The following TRAPPC9 variants were observed in gnomAD, a reference collection of about 807,000 sequenced individuals.
TRAPPC9 encodes IKK2 binding protein.
In TRAPPC9, 83 loss-of-function variants were observed where a neutral mutation model predicts 124.0. The ratio of observed to expected loss-of-function variants is 0.67; its 90% CI spans 0.56 to 0.80. The LOEUF (loss-of-function observed/expected upper bound fraction) is 0.80. TRAPPC9 is among the 30% of genes least tolerant of loss of function. TRAPPC9 has a pLI of 0.00. For missense variants in TRAPPC9, 1,302 were observed against 1,508.3 expected (o/e 0.86, Z 2.27); for synonymous variants, 638 against 617.5 (o/e 1.03, Z -0.49).
At position 139,864,289 on chromosome 8, in the gene TRAPPC9, G is replaced by C. The variant is rs571492454; in HGVS notation, c.3055+21590C>G. ...AACAACATATGTTTTCTCTTTCCACGTCCGTCCTTCAATGTGAGGGTTTGG... is the reference window on the plus strand; with the variant it reads ...AACAACATATGTTTTCTCTTTCCACCTCCGTCCTTCAATGTGAGGGTTTGG... On this transcript the variant is annotated intron_variant, in intron 21 of 22. Coordinates refer to ENST00000438773, the MANE Select transcript of TRAPPC9 (RefSeq NM_001160372.4). Among the ~76,000 whole-genome samples, 6 of 152,156 alleles carry C rather than the reference G, an allele frequency of 3.9e-5. No homozygotes were observed. In the South Asian group the frequency reaches 1.2e-3, roughly 32 times the overall value.
chr8:140,455,965 C>T (rs1462523576), intron 1 of TRAPPC9, among the ~76,000 whole-genome samples: 1 of 152,088 alleles, frequency 6.6e-6, no homozygotes, highest in Non-Finnish European at 1.5e-5. Flanking sequence ...CCTGAATATG[C>T]AAATCTATAT....
chr8:140,080,267 C>T (rs556355078), intron 17 of TRAPPC9, among the ~76,000 whole-genome samples: 15 of 151,148 alleles, frequency 9.9e-5, no homozygotes, highest in Non-Finnish European at 1.8e-4. Flanking sequence ...CATGAGTAAA[C>T]TTTCTTTCAC....
intron 18 of TRAPPC9, among the ~76,000 whole-genome samples, chr8:140,004,301 A>G (rs1163398788): frequency 1.3e-5 from 2 of 152,298 alleles, no homozygotes; most frequent in South Asian, 2.1e-4. Flanking sequence ...TGCTCATTAA[A>G]GTTAGAACTC....
At chr8:140,024,278 C>T (rs951900314) in intron 17 of TRAPPC9, among the ~76,000 whole-genome samples, 199 bp from the exon 18 acceptor site, 9 of 152,056 alleles carry the variant, frequency 5.9e-5, no homozygotes, top group African/African-American at 2.2e-4. Flanking sequence ...CCCCAGCGGG[C>T]ACCATCTTAC....
At position 139,910,143 on chromosome 8, in the gene TRAPPC9, A is replaced by G. The variant is rs772092562; in HGVS notation, c.2964+4T>C. 6 of 1,613,584 alleles carry G rather than the reference A, an allele frequency of 3.7e-6. No homozygotes were observed. The highest frequency in any genetic ancestry group is 5.1e-6 in the Non-Finnish European group (6 of 1,179,946). Reference sequence around the variant, plus strand: ...AGGCCCAGGTGGCCCCTGGAAAAGGATATGATTCTCCAGCAGATGCCCAGC... The same window carrying G: ...AGGCCCAGGTGGCCCCTGGAAAAGGGTATGATTCTCCAGCAGATGCCCAGC... On this transcript the variant is annotated splice_donor_region_variant and intron_variant, in intron 20 of 22. Transcript: ENST00000438773.
At chr8:140,288,674 T>G (rs914976570) in intron 12 of TRAPPC9, among the ~76,000 whole-genome samples, 11 of 152,114 alleles carry the variant, frequency 7.2e-5, no homozygotes, top group African/African-American at 2.7e-4. Context: ...ACTTGAACTT[T>G]CGAGTACATT....
Position 139,776,374 on chromosome 8 carries a change from T to C in TRAPPC9, c.3056-44172A>G, listed in dbSNP as rs1227540729. ...TCACAACATAGTATTGATCGGTTTG[T>C]CCTCCGTGACCCAAAGAGAGGTCAC... On this transcript the variant is annotated intron_variant, in intron 21 of 22. Transcript: ENST00000438773. This position sits in a 1 kb window ranked among gnomAD's most constrained non-coding sequence, Gnocchi z 4.1. Among the ~76,000 whole-genome samples, 1 of 152,206 alleles carries C rather than the reference T, an allele frequency of 6.6e-6. No individual in the cohort carries two copies. Among genetic ancestry groups the C allele is most frequent in the Non-Finnish European group, 1.5e-5 (1 of 68,036 alleles).
intron 17 of TRAPPC9, among the ~76,000 whole-genome samples, chr8:140,122,552 G>A (rs2061008222): frequency 6.6e-6 from 1 of 152,218 alleles, no homozygotes. Flanking sequence ...AGAGACAAAA[G>A]CTTTCTAAGC....
intron 7 of TRAPPC9, among the ~76,000 whole-genome samples, chr8:140,373,934 T>C (rs1318405103): frequency 6.6e-6 from 1 of 152,246 alleles, no homozygotes. Context: ...CTTAGTTATA[T>C]GTGTTTTGCA....
intron 22 of TRAPPC9, 151 bp from the exon 23 acceptor site, chr8:139,731,379 C>T: frequency 1.2e-6 from 1 of 837,560 alleles, no homozygotes; most frequent in Non-Finnish European, 1.9e-6. Context: ...CAGCAGGTCA[C>T]TGCGCCTCTC....
chr8:140,292,414 C>G (rs921710131), intron 11 of TRAPPC9, among the ~76,000 whole-genome samples: 1 of 152,202 alleles, frequency 6.6e-6, no homozygotes, highest in Admixed American at 6.5e-5. Context: ...CGAGCAGACA[C>G]GGGTGGCTAA....
Position 140,450,954 on chromosome 8 carries a change from G to C in TRAPPC9, c.420C>G (p.Asp140Glu), listed in dbSNP as rs759810548. 1.9e-6 allele frequency: 3 copies of C among 1,614,202 alleles called. No individual in the cohort carries two copies. The East Asian group carries it at 6.7e-5, about 36-fold the overall frequency. The change falls in exon 2 of 23, where the codon GAC (aspartate) becomes GAG (glutamate). Residue 140 changes from aspartate to glutamate, a missense_variant. Around this residue, in one of 3 missense-constraint regions of TRAPPC9, gnomAD observed 657 missense variants for 811.2 expected, o/e 0.81. Transcript: ENST00000438773. ...CGATTCTCTTCTCCACCGTCTGGCA[G>C]TCCTCGTAGTTGGGGTAGAAAGCCA... ...TDVAFYPNYE[D>E]CQTVEKRIED...
intron 17 of TRAPPC9, among the ~76,000 whole-genome samples, chr8:140,111,878 G>A (rs1328312015): frequency 6.6e-6 from 1 of 152,228 alleles, no homozygotes; most frequent in Non-Finnish European, 1.5e-5. Context: ...ATTCTGAAAA[G>A]AGGCAAGCTC....
At chr8:140,259,475 T>G (rs1347399826) in intron 15 of TRAPPC9, among the ~76,000 whole-genome samples, 1 of 152,218 alleles carries the variant, frequency 6.6e-6, no homozygotes, top group Non-Finnish European at 1.5e-5. Context: ...CAAAGGGCCC[T>G]GGGTTCAGAT....
intron 18 of TRAPPC9, among the ~76,000 whole-genome samples, chr8:139,997,441 A>C (rs1838081729): frequency 6.6e-6 from 1 of 151,258 alleles, no homozygotes; most frequent in South Asian, 2.1e-4. Flanking sequence ...AGAACAATGC[A>C]TCCCACACAG....
chr8:140,413,802 T>C (rs963038228), intron 5 of TRAPPC9, among the ~76,000 whole-genome samples: 2 of 151,774 alleles, frequency 1.3e-5, no homozygotes, highest in African/African-American at 4.8e-5. Context: ...AGAATGATGA[T>C]TTCCAATTTC....
At position 139,990,237 on chromosome 8, in the gene TRAPPC9, C is replaced by T. The variant is rs547087939; in HGVS notation, c.2700-1401G>A. ...CATGACAACAGCCTCGGGGGTAGTC[C>T]GTGGAGCCCCCTGCACTGGAGACGG... On this transcript the variant is annotated intron_variant, in intron 18 of 22. Transcript: ENST00000438773. 2.0e-5 allele frequency among the ~76,000 whole-genome samples: 3 copies of T among 152,272 alleles called. No homozygotes were observed. The South Asian group carries it at 6.2e-4, about 32-fold the overall frequency.
chr8:140,063,335 C>T lies in TRAPPC9; in HGVS notation c.2557-39256G>A, dbSNP rs557361048. 1.1e-4 allele frequency among the ~76,000 whole-genome samples: 17 copies of T among 152,348 alleles called. No homozygotes were observed. The highest frequency in any genetic ancestry group is 3.6e-4 in the African/African-American group (15 of 41,584). ...TTCCGCTTCCTGTGCTCTCACCTCACGTCACCACGCAGTCAATTCTCACGT... is the reference window on the plus strand; with the variant it reads ...TTCCGCTTCCTGTGCTCTCACCTCATGTCACCACGCAGTCAATTCTCACGT... On this transcript the variant is annotated intron_variant, in intron 17 of 22. Coordinates refer to ENST00000438773, the MANE Select transcript of TRAPPC9 (RefSeq NM_001160372.4). The surrounding 1 kb of genome is among the most constrained non-coding windows in gnomAD (Gnocchi z 4.3).
At chr8:139,868,998 A>G (rs1015499704) in intron 21 of TRAPPC9, among the ~76,000 whole-genome samples, 4 of 152,236 alleles carry the variant, frequency 2.6e-5, no homozygotes, top group Non-Finnish European at 5.9e-5. Context: ...GAAGAAAATT[A>G]TCACACAGAA....
Sources: gnomAD v4.1 joint callset for allele counts (sites outside exome capture counted in the v4.1 genomes callset) on GRCh38, gnomAD v4.1.1 for gene constraint, gnomAD v4.1.1 regional missense constraint, Gnocchi (gnomAD v3.1) non-coding constraint, MANE v1.5 for transcripts, NCBI Gene and HGNC (gene_info 2026-07-23, HGNC 2026-07-21) for gene names.